CSMD1: variants seen among roughly 807,000 people sequenced by gnomAD.
The protein encoded by CSMD1 is CUB and Sushi multiple domains 1.
A neutral mutation model predicts 417.5 loss-of-function variants in CSMD1; 213 were observed. That is an observed-to-expected ratio of 0.51 (90% CI 0.46 to 0.57). The LOEUF is 0.57. Among genes scored for constraint, CSMD1 ranks in the 20% least tolerant of loss-of-function variants. CSMD1 has a pLI of 0.00. For synonymous variants in CSMD1, 2,862 were observed against 1,736.8 expected (o/e 1.65, Z -16.11); for missense variants, 6,923 against 4,529.7 (o/e 1.53, Z -15.17).
chr8:4,355,026 G>T (rs982842795), intron 3 of CSMD1, among the ~76,000 whole-genome samples: 5 of 152,030 alleles, frequency 3.3e-5, no homozygotes, highest in African/African-American at 1.2e-4. Context: ...ACTTTGGGAG[G>T]CCGAGGCGGG....
Position 3,223,773 on chromosome 8 carries a change from T to G in CSMD1, c.4440A>C (p.Arg1480Ser). The G allele has an allele frequency of 6.2e-7, 1 of 1,613,914 alleles. No individual in the cohort carries two copies. Among genetic ancestry groups the G allele is most frequent in the Non-Finnish European group, 8.5e-7 (1 of 1,179,834 alleles). Reference protein sequence around the residue: ...PYPPGKECDWRVKVNPDFVIA... With the variant: ...PYPPGKECDWSVKVNPDFVIA... ...TGACAAAGTCCGGGTTCACTTTTACTCTCCAGTCACATTCCTTCCCAGGAG... is the reference window on the plus strand; with the variant it reads ...TGACAAAGTCCGGGTTCACTTTTACGCTCCAGTCACATTCCTTCCCAGGAG... The change falls in exon 28 of 70, where the codon AGA becomes AGC. Residue 1480 changes from arginine to serine, a missense_variant. Transcript: ENST00000635120.
At chr8:3,287,358 A>T (rs920108456) in intron 25 of CSMD1, among the ~76,000 whole-genome samples, 9 of 152,072 alleles carry the variant, frequency 5.9e-5, no homozygotes, top group African/African-American at 2.2e-4. Flanking sequence ...GGTAACTTGA[A>T]GGGGATGGCA....
intron 1 of CSMD1, among the ~76,000 whole-genome samples, chr8:4,928,494 C>CTTTGCTT (rs1807026124): frequency 6.6e-6 from 1 of 152,126 alleles, no homozygotes; most frequent in Non-Finnish European, 1.5e-5. Flanking sequence ...ATTATGTGAG[C>CTTTGCTT]CTGAGCAAGT....
chr8:3,966,732 G>GAA (rs1812698659), intron 5 of CSMD1, among the ~76,000 whole-genome samples: 4 of 149,022 alleles, frequency 2.7e-5, no homozygotes, highest in Admixed American at 1.3e-4. Context: ...CACACACACA[G>GAA]ACACACACAC....
At chr8:4,700,244 C>G (rs1807437821) in intron 1 of CSMD1, among the ~76,000 whole-genome samples, 2 of 151,994 alleles carry the variant, frequency 1.3e-5, no homozygotes, top group African/African-American at 4.8e-5. Flanking sequence ...GAAAGAACCT[C>G]TTGTTTTCTA....
In CSMD1 at chr8:4,541,651, C is replaced by G. The variant is rs1222975885; in HGVS notation, c.302+95691G>C. 2.6e-5 allele frequency among the ~76,000 whole-genome samples: 4 copies of G among 152,170 alleles called. No individual in the cohort carries two copies. The East Asian group carries it at 5.8e-4, about 22-fold the overall frequency. On this transcript the variant is annotated intron_variant, in intron 2 of 69. Coordinates refer to ENST00000635120, the MANE Select transcript of CSMD1 (RefSeq NM_033225.6). ...TAATCCCAACTACTCAGGAGGCTGA[C>G]TTGAACCAAGGAGGCTGAGGTTGCA...
chr8:3,597,623 C>A (rs1213665104), intron 8 of CSMD1, among the ~76,000 whole-genome samples: 1 of 152,110 alleles, frequency 6.6e-6, no homozygotes, highest in African/African-American at 2.4e-5. Context: ...TGTCTTTGCC[C>A]AGCACATATA....
At chr8:4,261,001 T>C (rs1006011385) in intron 3 of CSMD1, among the ~76,000 whole-genome samples, 1 of 152,208 alleles carries the variant, frequency 6.6e-6, no homozygotes, top group African/African-American at 2.4e-5. Flanking sequence ...TATCATTCAA[T>C]TAAAATACAA....
chr8:2,942,500 C>G lies in CSMD1; in HGVS notation c.10507G>C (p.Gly3503Arg). The G allele has an allele frequency of 6.2e-7, 1 of 1,613,158 alleles. No homozygotes were observed. Reference protein sequence around the residue: ...LVPFFALILSGFAFYLYKHRT... With the variant: ...LVPFFALILSRFAFYLYKHRT... ...TGTTTGTAGAGGTAAAATGCAAACC[C>G]TGATAAAATTAGAGCAAAGAAAGGA... The change falls in exon 69 of 70, where the codon GGG becomes CGG. Residue 3503 changes from glycine (G) to arginine (R), a missense_variant. By Grantham distance (125) the Gly-to-Arg change is moderately radical. Transcript: ENST00000635120.
chr8:4,019,738 TAGA>T (rs1437834794), intron 4 of CSMD1, among the ~76,000 whole-genome samples: 5 of 152,132 alleles, frequency 3.3e-5, no homozygotes, highest in Admixed American at 1.3e-4. Context: ...GTGCCTGTTG[TAGA>T]AGTAGTTTTC....
intron 4 of CSMD1, among the ~76,000 whole-genome samples, chr8:4,026,121 T>C (rs993780466): frequency 1.8e-4 from 28 of 152,138 alleles, no homozygotes; most frequent in African/African-American, 5.8e-4. Flanking sequence ...TCTCAGTCCA[T>C]ATGGTTGAAA....
At chr8:3,921,364 T>C (rs1343089094) in intron 5 of CSMD1, among the ~76,000 whole-genome samples, 1 of 152,134 alleles carries the variant, frequency 6.6e-6, no homozygotes, top group Non-Finnish European at 1.5e-5. Flanking sequence ...TTTTTCATTT[T>C]TCTTTAAATT....
At chr8:4,591,597 C>A (rs984557241) in intron 2 of CSMD1, among the ~76,000 whole-genome samples, 37 of 152,038 alleles carry the variant, frequency 2.4e-4, no homozygotes, top group African/African-American at 8.9e-4. Flanking sequence ...AAGCAGCTTT[C>A]CAAGGGTAGT....
intron 1 of CSMD1, among the ~76,000 whole-genome samples, chr8:4,914,526 T>C (rs1385980456): frequency 2.0e-5 from 3 of 146,890 alleles, no homozygotes; most frequent in African/African-American, 2.5e-5. Flanking sequence ...TGCAGTGAGC[T>C]GAGATCGCGC....
In CSMD1 at chr8:4,655,035, C is replaced by CAA. The variant is rs200658889; in HGVS notation, c.86-17479_86-17478dup. On this transcript the variant is annotated intron_variant, in intron 1 of 69. Transcript: ENST00000635120. ...CAAGCATTTGATACAGATGTACCTCCAAAAAAAAAAAAAGCTTAAATCTTT... is the reference window on the plus strand; with the variant it reads ...CAAGCATTTGATACAGATGTACCTCCAAAAAAAAAAAAAAAGCTTAAATCTTT... 3.8e-3 allele frequency among the ~76,000 whole-genome samples: 539 copies of CAA among 143,704 alleles called. 5 individuals are homozygous for CAA. Among genetic ancestry groups the CAA allele is most frequent in the East Asian group, 0.035 (172 of 4,902 alleles). The allele number at this position is 143,704 out of a possible 152,430, so 94.3% of individuals were successfully genotyped here.
At chr8:4,085,390 T>C (rs1800365736) in intron 3 of CSMD1, among the ~76,000 whole-genome samples, 1 of 152,158 alleles carries the variant, frequency 6.6e-6, no homozygotes, top group Non-Finnish European at 1.5e-5. Flanking sequence ...TTGGAGAAGC[T>C]CCAAAAAACT....
At chr8:4,194,187 C>G (rs898160411) in intron 3 of CSMD1, among the ~76,000 whole-genome samples, 1 of 152,124 alleles carries the variant, frequency 6.6e-6, no homozygotes, top group African/African-American at 2.4e-5. Context: ...CTGTACATGT[C>G]ATACCTGACA....
At chr8:3,729,290 G>C (rs1359865988) in intron 6 of CSMD1, among the ~76,000 whole-genome samples, 3 of 152,138 alleles carry the variant, frequency 2.0e-5, no homozygotes, top group African/African-American at 7.2e-5. Context: ...TCCTGGCACA[G>C]GGCTCGTGCA....
At chr8:4,901,620 C>G (rs896975870) in intron 1 of CSMD1, among the ~76,000 whole-genome samples, 1 of 152,152 alleles carries the variant, frequency 6.6e-6, no homozygotes, top group African/African-American at 2.4e-5. Flanking sequence ...TGTCCCCATA[C>G]TTCATTTTTA....
Sources: gnomAD v4.1 joint callset for allele counts (sites outside exome capture counted in the v4.1 genomes callset) on GRCh38, gnomAD v4.1.1 for gene constraint, MANE v1.5 for transcripts, NCBI Gene and HGNC (gene_info 2026-07-23, HGNC 2026-07-21) for gene names.